Variants in NDST4 observed in about 807,000 individuals in gnomAD.
NDST4 encodes N-heparan sulfate sulfotransferase 4.
Under a neutral mutation model 100.8 loss-of-function variants are expected in NDST4, and 63 were observed. The ratio of observed to expected loss-of-function variants is 0.62; its 90% CI spans 0.51 to 0.77. The LOEUF (loss-of-function observed/expected upper bound fraction) is 0.77. Ranked by LOEUF, NDST4 falls within the 30% of genes least tolerant of loss-of-function variation. The pLI is 0.00. For synonymous variants in NDST4, 377 were observed against 361.8 expected (o/e 1.04, Z -0.48); for missense variants, 943 against 1,018.4 (o/e 0.93, Z 1.01).
Position 114,975,807 on chromosome 4 carries a change from G to C in NDST4, c.1066+1380C>G, listed in dbSNP as rs572359482. 7.1e-4 allele frequency among the ~76,000 whole-genome samples: 108 copies of C among 152,110 alleles called. 1 individual carries two copies. Among genetic ancestry groups the C allele is most frequent in the East Asian group, 5.8e-4 (3 of 5,178 alleles). Reference sequence around the variant, plus strand: ...TGCATGAGTAGATATAGCCTTTAAAGCTATCTGCTTTATAACTTCATAGTC... The same window carrying C: ...TGCATGAGTAGATATAGCCTTTAAACCTATCTGCTTTATAACTTCATAGTC... On this transcript the variant is annotated intron_variant, in intron 3 of 13. Transcript: ENST00000264363.
chr4:115,085,764 C>T lies in NDST4; in HGVS notation c.-246-8482G>A, dbSNP rs192459508. On this transcript the variant is annotated intron_variant, in intron 1 of 13. Coordinates refer to ENST00000264363, the MANE Select transcript of NDST4 (RefSeq NM_022569.3). Reference sequence around the variant, plus strand: ...TAAACCTCTTTTCTTTATAAATTACCCAGTCTTGGGTATTTCTCCACAGAG... The same window carrying T: ...TAAACCTCTTTTCTTTATAAATTACTCAGTCTTGGGTATTTCTCCACAGAG... Among the ~76,000 whole-genome samples, 660 of 152,248 alleles carry T rather than the reference C, an allele frequency of 4.3e-3. 3 individuals are homozygous for T. Among genetic ancestry groups the T allele is most frequent in the Non-Finnish European group, 7.2e-3 (489 of 68,018 alleles).
chr4:114,861,490 A>G (rs1213079839), intron 7 of NDST4, among the ~76,000 whole-genome samples: 1 of 152,174 alleles, frequency 6.6e-6, no homozygotes, highest in Non-Finnish European at 1.5e-5. Flanking sequence ...GAGCAAGAGA[A>G]AGAGTAAATC....
At chr4:114,836,152 T>A in intron 11 of NDST4, among the ~76,000 whole-genome samples, 1 of 152,242 alleles carries the variant, frequency 6.6e-6, no homozygotes, top group Non-Finnish European at 1.5e-5. Context: ...GATTCTGTTA[T>A]CATGATGCTA....
intron 2 of NDST4, among the ~76,000 whole-genome samples, chr4:114,986,306 T>C (rs1165730775): frequency 3.3e-5 from 5 of 152,260 alleles, no homozygotes; most frequent in African/African-American, 1.2e-4. Context: ...AGCCAAACAC[T>C]CCACGTGTCT....
intron 6 of NDST4, among the ~76,000 whole-genome samples, chr4:114,901,438 A>C (rs142289269): frequency 5.5e-4 from 84 of 152,152 alleles, no homozygotes; most frequent in Non-Finnish European, 1.0e-3. Context: ...TCTGAAGTTA[A>C]TATATCTACT....
At chr4:115,018,912 C>T (rs1369237361) in intron 2 of NDST4, among the ~76,000 whole-genome samples, 1 of 151,842 alleles carries the variant, frequency 6.6e-6, no homozygotes, top group African/African-American at 2.4e-5. Flanking sequence ...ACATTTATTG[C>T]AAAATATAAT....
At chr4:115,038,222 C>T (rs1179387029) in intron 2 of NDST4, among the ~76,000 whole-genome samples, 5 of 152,152 alleles carry the variant, frequency 3.3e-5, no homozygotes. Flanking sequence ...AGTCCTATAA[C>T]CTTTCCTGCT....
chr4:115,042,538 G>C (rs545511889), intron 2 of NDST4, among the ~76,000 whole-genome samples: 1 of 152,062 alleles, frequency 6.6e-6, no homozygotes, highest in South Asian at 2.1e-4. Flanking sequence ...TTTTATAATT[G>C]TTCTATTTTA....
At chr4:114,937,537 C>T in intron 4 of NDST4, 34 bp from the exon 5 acceptor site, 1 of 1,481,734 alleles carries the variant, frequency 6.7e-7, no homozygotes, top group Non-Finnish European at 9.1e-7. Context: ...CATGATGGGA[C>T]AAGGCCAATT....
chr4:115,040,586 G>A (rs1351049997), intron 2 of NDST4, among the ~76,000 whole-genome samples: 1 of 151,832 alleles, frequency 6.6e-6, no homozygotes, highest in Non-Finnish European at 1.5e-5. Context: ...GTCCAAGTAT[G>A]ATGCCAAAGC....
At chr4:115,042,160 T>C (rs560577833) in intron 2 of NDST4, among the ~76,000 whole-genome samples, 2 of 152,270 alleles carry the variant, frequency 1.3e-5, no homozygotes, top group East Asian at 3.9e-4. Flanking sequence ...TTAAACTACA[T>C]GTCATTCTGA....
At chr4:114,959,656 A>G (rs759136004) in intron 4 of NDST4, among the ~76,000 whole-genome samples, 3 of 152,194 alleles carry the variant, frequency 2.0e-5, no homozygotes, top group Non-Finnish European at 2.9e-5. Context: ...GCCAAACCAT[A>G]TCAGGGTTCA....
intron 1 of NDST4, among the ~76,000 whole-genome samples, chr4:115,107,838 A>C (rs1405700110): frequency 6.6e-6 from 1 of 152,020 alleles, no homozygotes; most frequent in African/African-American, 2.4e-5. Flanking sequence ...TTTTCTGTCT[A>C]AGGTGAAAAA....
chr4:114,922,009 AGT>A (rs1362073793), intron 6 of NDST4, among the ~76,000 whole-genome samples: 64 of 138,968 alleles, frequency 4.6e-4, no homozygotes, highest in African/African-American at 2.2e-3. Flanking sequence ...GTCGGTAGTT[AGT>A]CAGACCCAGG....
At chr4:115,049,288 T>C (rs1256166226) in intron 2 of NDST4, among the ~76,000 whole-genome samples, 1 of 151,644 alleles carries the variant, frequency 6.6e-6, no homozygotes, top group Non-Finnish European at 1.5e-5. Flanking sequence ...AAAGAGAAAG[T>C]GGAAAAAGAG....
rs1305575196 is a variant in NDST4 at position 114,927,152 on chromosome 4, C to T, written c.1536+8054G>A. Among the ~76,000 whole-genome samples, 14 of 151,566 alleles carry T rather than the reference C, an allele frequency of 9.2e-5. No homozygotes were observed. In the East Asian group the frequency reaches 1.4e-3, roughly 15 times the overall value. On this transcript the variant is annotated intron_variant, in intron 6 of 13. Coordinates refer to ENST00000264363, the MANE Select transcript of NDST4 (RefSeq NM_022569.3). ...CAAACTATTATTTCTCCATTTCCTC[C>T]GATCTTATAATTATAGATTAGATCC...
At chr4:114,897,449 T>C (rs1053098965) in intron 6 of NDST4, among the ~76,000 whole-genome samples, 3 of 152,232 alleles carry the variant, frequency 2.0e-5, no homozygotes, top group Admixed American at 2.0e-4. Context: ...ACTGTCTTTA[T>C]TTACCACAGT....
chr4:114,932,332 T>C (rs2126224023), intron 6 of NDST4, among the ~76,000 whole-genome samples: 1 of 152,024 alleles, frequency 6.6e-6, no homozygotes, highest in Non-Finnish European at 1.5e-5. Context: ...AAATTAGGTA[T>C]AAAATATTCA....
intron 2 of NDST4, among the ~76,000 whole-genome samples, chr4:115,004,166 T>C (rs964720266): frequency 6.6e-6 from 1 of 152,094 alleles, no homozygotes; most frequent in African/African-American, 2.4e-5. Context: ...TAGGAAAAAA[T>C]ACCCAATGAT....
Sources: gnomAD v4.1 joint callset for allele counts (sites outside exome capture counted in the v4.1 genomes callset) on GRCh38, gnomAD v4.1.1 for gene constraint, MANE v1.5 for transcripts, NCBI Gene and HGNC (gene_info 2026-07-23, HGNC 2026-07-21) for gene names.